The following FKTN variants were observed in gnomAD, a reference collection of about 807,000 sequenced individuals.
FKTN encodes fukutin.
FKTN carries 47 observed loss-of-function variants against 58.6 expected under a neutral mutation model. The observed-to-expected ratio is 0.80, with a 90% CI of 0.63 to 1.02. The LOEUF (loss-of-function observed/expected upper bound fraction) is 1.02, where lower values mean the gene tolerates loss of function less well. FKTN is among the 50% of genes least tolerant of loss of function. The pLI is 0.00. For synonymous variants in FKTN, 178 were observed against 191.9 expected (o/e 0.93, Z 0.60); for missense variants, 516 against 537.3 (o/e 0.96, Z 0.39).
chr9:105,614,015 A>C (rs1286988603), intron 7 of FKTN, among the ~76,000 whole-genome samples: 1 of 152,204 alleles, frequency 6.6e-6, no homozygotes, highest in Admixed American at 6.5e-5. Flanking sequence ...TTGAGGAGTT[A>C]CAAGTTATTG....
intron 3 of FKTN, among the ~76,000 whole-genome samples, chr9:105,575,979 A>G (rs1841599774): frequency 6.6e-6 from 1 of 152,014 alleles, no homozygotes; most frequent in Non-Finnish European, 1.5e-5. Context: ...AGGAGAAGAG[A>G]AAAATGTATG....
At position 105,636,282 on chromosome 9, in the gene FKTN, T is replaced by G. The variant is rs16924759; in HGVS notation, c.*1018T>G. The G allele has an allele frequency of 1.0e-6, 1 of 954,762 alleles. No individual in the cohort carries two copies. The highest frequency in any genetic ancestry group is 1.8e-5 in the African/African-American group (1 of 56,542). The allele number at this position is 954,762 out of a possible 1,614,324, so 59.1% of individuals were successfully genotyped here. ...TTCATTTATCAATTACAGCTTCGTATCTCTAATTTATGGTCTATATACCAA... is the reference window on the plus strand; with the variant it reads ...TTCATTTATCAATTACAGCTTCGTAGCTCTAATTTATGGTCTATATACCAA... On this transcript the variant is annotated 3_prime_UTR_variant, in exon 11 of 11. Transcript: ENST00000357998.
At chr9:105,600,719 ATT>A (rs932128965) in intron 4 of FKTN, among the ~76,000 whole-genome samples, 3 of 152,166 alleles carry the variant, frequency 2.0e-5, no homozygotes, top group African/African-American at 7.2e-5. Flanking sequence ...AACAAGACTG[ATT>A]TTTAAAAGCT....
chr9:105,608,435 C>T (rs1165310101), intron 7 of FKTN, among the ~76,000 whole-genome samples: 2 of 152,176 alleles, frequency 1.3e-5, no homozygotes, highest in Non-Finnish European at 2.9e-5. Context: ...AAACTTTATT[C>T]TCTTGCTGCA....
At chr9:105,561,016 G>A (rs1380103157) in intron 1 of FKTN, among the ~76,000 whole-genome samples, 2 of 152,060 alleles carry the variant, frequency 1.3e-5, no homozygotes, top group African/African-American at 2.4e-5. Flanking sequence ...GAACCTGGGA[G>A]CGGAGGTTGC....
chr9:105,619,795 A>G (rs1831520888), intron 9 of FKTN, 139 bp from the exon 10 acceptor site: 1 of 738,512 alleles, frequency 1.4e-6, no homozygotes, highest in African/African-American at 1.8e-5. Context: ...CTTAACTTGA[A>G]AAAATGTGCA....
At chr9:105,615,071 A>G (rs531722866) in intron 7 of FKTN, among the ~76,000 whole-genome samples, 30 of 152,162 alleles carry the variant, frequency 2.0e-4, no homozygotes, top group African/African-American at 7.0e-4. Flanking sequence ...TTTAGTAGAG[A>G]TGGGGTTTTG....
intron 1 of FKTN, among the ~76,000 whole-genome samples, chr9:105,564,482 C>T (rs932234872): frequency 5.9e-5 from 9 of 152,078 alleles, no homozygotes; most frequent in South Asian, 2.1e-4. Flanking sequence ...AACCATAGCA[C>T]GAGAACTACA....
intron 3 of FKTN, among the ~76,000 whole-genome samples, chr9:105,580,181 T>G (rs1234963789): frequency 6.6e-6 from 1 of 152,172 alleles, no homozygotes; most frequent in African/African-American, 2.4e-5. Context: ...AAGTTAATAT[T>G]GTTATGTGTG....
At chr9:105,581,023 CCTTT>C (rs1387145812) in intron 3 of FKTN, among the ~76,000 whole-genome samples, 1 of 142,214 alleles carries the variant, frequency 7.0e-6, no homozygotes, top group Non-Finnish European at 1.5e-5. Context: ...TCCATCAGCT[CCTTT>C]AAGTACTTCT....
chr9:105,632,685 T>C (rs2133417204), intron 10 of FKTN, among the ~76,000 whole-genome samples: 1 of 152,256 alleles, frequency 6.6e-6, no homozygotes, highest in Non-Finnish European at 1.5e-5. Context: ...AAAAAAATGG[T>C]CTATTCCAAT....
In FKTN at chr9:105,638,696, T is replaced by C. The variant is rs1379640919; in HGVS notation, c.*3432T>C. On this transcript the variant is annotated 3_prime_UTR_variant, in exon 11 of 11. Transcript: ENST00000357998. The stretch of plus-strand genomic sequence containing the variant: ...TTTGCAGTTTTCAAGATTTTTTTTT[T>C]ATCTGCTTGGCTGGAAAGGAGACTA... The C allele has an allele frequency of 1.5e-5, 15 of 984,636 alleles. No individual in the cohort carries two copies. The highest frequency in any genetic ancestry group is 1.8e-5 in the Non-Finnish European group (15 of 829,370). 61.0% of individuals were successfully genotyped at this position (984,636 alleles called of 1,614,324 possible). A position where few individuals can be genotyped will look rare whatever the true frequency, so the allele number is the denominator to read the frequency against.
chr9:105,591,665 C>T (rs1844896937), intron 3 of FKTN, among the ~76,000 whole-genome samples: 1 of 152,130 alleles, frequency 6.6e-6, no homozygotes, highest in South Asian at 2.1e-4. Flanking sequence ...GTGGATCTAC[C>T]ACTTTGGGGT....
intron 1 of FKTN, among the ~76,000 whole-genome samples, 189 bp downstream of exon 1, chr9:105,558,354 A>AT (rs958032926): frequency 5.3e-5 from 8 of 152,164 alleles, no homozygotes; most frequent in African/African-American, 1.9e-4. Context: ...GTCCACGAGC[A>AT]TCGCGTGGTA....
At chr9:105,607,165 A>G (rs1188162340) in intron 6 of FKTN, among the ~76,000 whole-genome samples, 3 of 152,118 alleles carry the variant, frequency 2.0e-5, no homozygotes, top group Non-Finnish European at 4.4e-5. Flanking sequence ...TTATATGAGT[A>G]GGAATGGAAA....
intron 4 of FKTN, 130 bp downstream of exon 4, chr9:105,596,787 G>T: frequency 1.3e-6 from 1 of 744,980 alleles, no homozygotes; most frequent in South Asian, 1.5e-5. Flanking sequence ...GTTGGTAGTG[G>T]CAGGTAAGGG....
intron 7 of FKTN, among the ~76,000 whole-genome samples, chr9:105,612,947 A>G (rs985370028): frequency 3.3e-5 from 5 of 152,136 alleles, no homozygotes; most frequent in Non-Finnish European, 7.4e-5. Context: ...CCTGGGCAAC[A>G]GAGAGAGGAG....
chr9:105,629,211 A>G (rs1210683043), intron 10 of FKTN, among the ~76,000 whole-genome samples: 2 of 152,160 alleles, frequency 1.3e-5, no homozygotes, highest in Admixed American at 1.3e-4. Flanking sequence ...AAAAATAAAA[A>G]CTAAACTTAA....
intron 3 of FKTN, among the ~76,000 whole-genome samples, chr9:105,581,590 G>T (rs370639969): frequency 3.4e-4 from 51 of 152,130 alleles, no homozygotes; most frequent in Admixed American, 3.3e-4. Context: ...CAGGGACATT[G>T]AAGTCTGCAG....
Sources: gnomAD v4.1 joint callset for allele counts (sites outside exome capture counted in the v4.1 genomes callset) on GRCh38, gnomAD v4.1.1 for gene constraint, MANE v1.5 for transcripts, NCBI Gene and HGNC (gene_info 2026-07-23, HGNC 2026-07-21) for gene names.